The following ASIC2 variants were observed in gnomAD, a reference collection of about 807,000 sequenced individuals.
ASIC2 encodes acid sensing ion channel subunit 2.
In ASIC2, 25 loss-of-function variants were observed where a neutral mutation model predicts 57.3. The ratio of observed to expected loss-of-function variants is 0.44; its 90% CI spans 0.32 to 0.61. The LOEUF (loss-of-function observed/expected upper bound fraction) is 0.61, where lower values mean the gene tolerates loss of function less well. ASIC2 is among the 20% of genes least tolerant of loss of function. The pLI is 0.06. For missense variants in ASIC2, 641 were observed against 738.1 expected (o/e 0.87, Z 1.52); for synonymous variants, 319 against 307.5 (o/e 1.04, Z -0.39).
At chr17:33,921,941 G>A (rs995184251) in intron 1 of ASIC2, among the ~76,000 whole-genome samples, 2 of 151,990 alleles carry the variant, frequency 1.3e-5, no homozygotes, top group African/African-American at 4.8e-5. Context: ...GAGCAATGCT[G>A]AAAATGATTA....
At chr17:33,692,579 T>G (rs1170209129) in intron 1 of ASIC2, 1 of 152,204 alleles carries the variant, frequency 6.6e-6, no homozygotes, top group Non-Finnish European at 1.5e-5. Flanking sequence ...AAATACAGTA[T>G]AAAAGATTTT....
At chr17:33,061,089 C>G (rs980489885) in intron 3 of ASIC2, among the ~76,000 whole-genome samples, 1 of 152,188 alleles carries the variant, frequency 6.6e-6, no homozygotes, top group Admixed American at 6.5e-5. Flanking sequence ...TCTAGATATA[C>G]AATCATGTCA....
At chr17:33,185,203 C>A (rs530765992) in intron 1 of ASIC2, among the ~76,000 whole-genome samples, 1 of 152,212 alleles carries the variant, frequency 6.6e-6, no homozygotes, top group South Asian at 2.1e-4. Flanking sequence ...TTTCTTAGAG[C>A]AATATGTTGT....
intron 1 of ASIC2, among the ~76,000 whole-genome samples, chr17:33,401,349 A>G (rs2141958827): frequency 6.6e-6 from 1 of 152,150 alleles, no homozygotes; most frequent in African/African-American, 2.4e-5. Context: ...CTGATCATCA[A>G]TCTGAACTCC....
chr17:34,148,567 G>C (rs1471052369), intron 1 of ASIC2, among the ~76,000 whole-genome samples: 1 of 152,146 alleles, frequency 6.6e-6, no homozygotes, highest in Non-Finnish European at 1.5e-5. Flanking sequence ...TTTACAGACG[G>C]GAGAGTCAGG....
chr17:33,830,476 C>T (rs1913068571), intron 1 of ASIC2, among the ~76,000 whole-genome samples: 2 of 152,186 alleles, frequency 1.3e-5, no homozygotes, highest in South Asian at 2.1e-4. Flanking sequence ...CCATCTCTAA[C>T]AGCTAAGCAT....
intron 1 of ASIC2, among the ~76,000 whole-genome samples, chr17:33,277,969 G>A (rs1239190092): frequency 6.6e-6 from 1 of 152,208 alleles, no homozygotes; most frequent in Non-Finnish European, 1.5e-5. Context: ...AAGCGAATGA[G>A]TGACTGGAAT....
intron 1 of ASIC2, among the ~76,000 whole-genome samples, chr17:33,448,797 G>T (rs1416298776): frequency 6.6e-6 from 1 of 152,170 alleles, no homozygotes; most frequent in South Asian, 2.1e-4. Flanking sequence ...ATAAGAGTAG[G>T]GGCCATCCGT....
chr17:33,480,051 C>T (rs1913353653), intron 1 of ASIC2, among the ~76,000 whole-genome samples: 1 of 152,200 alleles, frequency 6.6e-6, no homozygotes, highest in South Asian at 2.1e-4. Context: ...CAGAGCCATT[C>T]CCAGACCATA....
intron 1 of ASIC2, among the ~76,000 whole-genome samples, chr17:33,332,653 G>T (rs566619082): frequency 6.6e-6 from 1 of 152,324 alleles, no homozygotes; most frequent in African/African-American, 2.4e-5. Context: ...CACTTTGGGA[G>T]GCTGAGGCAG....
chr17:33,549,657 T>C (rs1915686059), intron 1 of ASIC2, among the ~76,000 whole-genome samples: 1 of 152,220 alleles, frequency 6.6e-6, no homozygotes, highest in African/African-American at 2.4e-5. Flanking sequence ...GTTCAGATCC[T>C]TGGCATTATG....
chr17:33,418,368 A>T (rs1910931941), intron 1 of ASIC2, among the ~76,000 whole-genome samples: 1 of 144,054 alleles, frequency 6.9e-6, no homozygotes, highest in South Asian at 2.1e-4. Flanking sequence ...GCTCCCTGTT[A>T]AAAAAAAAAT....
chr17:34,095,496 T>C (rs1299249633), intron 1 of ASIC2, among the ~76,000 whole-genome samples: 1 of 151,830 alleles, frequency 6.6e-6, no homozygotes, highest in Non-Finnish European at 1.5e-5. Flanking sequence ...CAATGCTGCA[T>C]CTTTCATCTC....
chr17:33,339,494 C>A (rs183698725), intron 1 of ASIC2, among the ~76,000 whole-genome samples: 270 of 152,300 alleles, frequency 1.8e-3, no homozygotes, highest in Middle Eastern at 3.4e-3. Context: ...CCAATCCCTG[C>A]TATTCCCTAG....
intron 1 of ASIC2, among the ~76,000 whole-genome samples, chr17:34,013,823 A>T (rs906882762): frequency 6.6e-6 from 1 of 152,170 alleles, no homozygotes; most frequent in African/African-American, 2.4e-5. Context: ...TGCACTCTCC[A>T]GGCAGGGGGC....
chr17:33,508,917 G>T (rs1032487070), intron 1 of ASIC2, among the ~76,000 whole-genome samples: 1 of 152,180 alleles, frequency 6.6e-6, no homozygotes, highest in South Asian at 2.1e-4. Context: ...CCTGAATGGA[G>T]TTCAGTTGAC....
chr17:33,707,541 T>A (rs1222432738), intron 1 of ASIC2, among the ~76,000 whole-genome samples: 1 of 152,228 alleles, frequency 6.6e-6, no homozygotes, highest in African/African-American at 2.4e-5. Context: ...GAAATTTTAT[T>A]TGTTATTTTT....
intron 1 of ASIC2, among the ~76,000 whole-genome samples, chr17:33,895,245 C>G (rs192036652): frequency 1.3e-5 from 2 of 152,002 alleles, no homozygotes; most frequent in Non-Finnish European, 2.9e-5. Context: ...TTACTGCAAC[C>G]TCTGCCTCCT....
intron 1 of ASIC2, among the ~76,000 whole-genome samples, chr17:33,876,721 G>A (rs1278469197): frequency 1.3e-5 from 2 of 152,226 alleles, no homozygotes; most frequent in Admixed American, 1.3e-4. Flanking sequence ...TGGAAAGGAA[G>A]TAGAGCAAGT....
Sources: allele counts gnomAD v4.1 joint callset (sites outside exome capture counted in the v4.1 genomes callset), GRCh38; gene constraint gnomAD v4.1.1; transcripts MANE v1.5; gene names NCBI Gene and HGNC (gene_info 2026-07-23, HGNC 2026-07-21).